The following LIMD1 variants were observed in gnomAD, a reference collection of about 807,000 sequenced individuals.
The protein encoded by LIMD1 is LIM domain-containing protein 1.
In LIMD1, 23 loss-of-function variants were observed where a neutral mutation model predicts 58.4. That is an observed-to-expected ratio of 0.39 (90% CI 0.28 to 0.56). The LOEUF (loss-of-function observed/expected upper bound fraction) is 0.56, where lower values mean the gene tolerates loss of function less well. Among genes scored for constraint, LIMD1 ranks in the 20% least tolerant of loss-of-function variants. LIMD1 has a pLI of 0.57. For synonymous variants in LIMD1, 334 were observed against 345.5 expected, an observed-to-expected ratio of 0.97 and a Z score of 0.37; for missense variants, 838 against 855.5, an observed-to-expected ratio of 0.98 and a Z score of 0.25.
intron 1 of LIMD1, among the ~76,000 whole-genome samples, chr3:45,628,591 G>T (rs1414832867): frequency 6.6e-6 from 1 of 152,202 alleles, no homozygotes; most frequent in East Asian, 1.9e-4. Flanking sequence ...TCTTCAGAAA[G>T]CGGTTTGTCA....
chr3:45,668,460 TG>T, intron 4 of LIMD1, 104 bp downstream of exon 4: 1 of 946,596 alleles, frequency 1.1e-6, no homozygotes, highest in South Asian at 1.5e-5. Context: ...TATCTTGATT[TG>T]TGGTTACAGC....
chr3:45,614,786 C>T (rs1283111865), intron 1 of LIMD1, among the ~76,000 whole-genome samples: 12 of 125,436 alleles, frequency 9.6e-5, no homozygotes, highest in Admixed American at 2.5e-4. Context: ...TTTTTTTTGC[C>T]GTTTTTTAAA....
At chr3:45,672,960 G>T in intron 5 of LIMD1, 140 bp downstream of exon 5, 2 of 927,680 alleles carry the variant, frequency 2.2e-6, no homozygotes, top group Non-Finnish European at 3.3e-6. Flanking sequence ...GGTTTTGAGG[G>T]GTACAGCAGG....
At chr3:45,613,613 A>G (rs1474996461) in intron 1 of LIMD1, among the ~76,000 whole-genome samples, 1 of 146,608 alleles carries the variant, frequency 6.8e-6, no homozygotes, top group Non-Finnish European at 1.5e-5. Context: ...GGCTATTATG[A>G]ATAAGTCTGT....
At chr3:45,658,535 C>CTT (rs10572210) in intron 2 of LIMD1, among the ~76,000 whole-genome samples, 1,947 of 44,812 alleles carry the variant, frequency 0.043, 393 homozygotes, top group Non-Finnish European at 0.061. Context: ...CATGCAGATT[C>CTT]TTTTTTTTTT....
intron 1 of LIMD1, among the ~76,000 whole-genome samples, chr3:45,612,070 G>GCGCGCT (rs55860697): frequency 5.5e-5 from 8 of 144,842 alleles, no homozygotes; most frequent in Non-Finnish European, 1.1e-4. Flanking sequence ...GCAGGTGCGC[G>GCGCGCT]CTCTCTCTCT....
intron 1 of LIMD1, chr3:45,612,887 C>T (rs560292239): frequency 6.6e-6 from 1 of 152,290 alleles, no homozygotes; most frequent in African/African-American, 2.4e-5. Flanking sequence ...TGTGATCATT[C>T]ACAGATATAA....
chr3:45,604,976 A>G (rs3774681), intron 1 of LIMD1, among the ~76,000 whole-genome samples: 6,195 of 152,344 alleles, frequency 0.041, 160 homozygotes, highest in East Asian at 0.14. Flanking sequence ...GGTCTTAAAA[A>G]GTTATGTTTC....
At chr3:45,604,872 A>G (rs551480395) in intron 1 of LIMD1, among the ~76,000 whole-genome samples, 2 of 152,318 alleles carry the variant, frequency 1.3e-5, no homozygotes, top group South Asian at 2.1e-4. Context: ...TGACCAGGAA[A>G]GAATGTCTTG....
chr3:45,662,723 A>C (rs1044736002), intron 2 of LIMD1, among the ~76,000 whole-genome samples: 1 of 152,214 alleles, frequency 6.6e-6, no homozygotes, highest in African/African-American at 2.4e-5. Flanking sequence ...GTGGCCGGGC[A>C]TGGTGGCTCA....
intron 1 of LIMD1, among the ~76,000 whole-genome samples, chr3:45,603,573 G>C (rs1701438799): frequency 6.6e-6 from 1 of 152,140 alleles, no homozygotes; most frequent in African/African-American, 2.4e-5. Flanking sequence ...GGTAACATTT[G>C]TCAGTGACAT....
chr3:45,659,530 G>C (rs1260510270), intron 2 of LIMD1, among the ~76,000 whole-genome samples: 1 of 152,126 alleles, frequency 6.6e-6, no homozygotes, highest in African/African-American at 2.4e-5. Flanking sequence ...TGAGGCTGCA[G>C]ATTGCACCAC....
At chr3:45,637,951 C>T (rs1330084633) in intron 2 of LIMD1, among the ~76,000 whole-genome samples, 2 of 150,216 alleles carry the variant, frequency 1.3e-5, no homozygotes, top group African/African-American at 4.9e-5. Flanking sequence ...GTCTGGTTAT[C>T]GAATTCTCTG....
At chr3:45,653,056 G>T (rs1423393669) in intron 2 of LIMD1, among the ~76,000 whole-genome samples, 1 of 152,200 alleles carries the variant, frequency 6.6e-6, no homozygotes, top group Non-Finnish European at 1.5e-5. Flanking sequence ...GAGTGGCTTT[G>T]TGTCAGTTGA....
intron 1 of LIMD1, among the ~76,000 whole-genome samples, chr3:45,613,637 G>T (rs965264821): frequency 2.5e-5 from 3 of 118,046 alleles, no homozygotes; most frequent in African/African-American, 3.1e-5. Context: ...GATTGTTTTT[G>T]TGTAAGACTT....
intron 1 of LIMD1, among the ~76,000 whole-genome samples, chr3:45,611,312 C>T (rs1411214140): frequency 2.0e-5 from 3 of 152,246 alleles, no homozygotes; most frequent in East Asian, 1.9e-4. Flanking sequence ...GCTGCTCCCA[C>T]GCAGCCTTAG....
chr3:45,602,002 G>T (rs952959576), intron 1 of LIMD1, among the ~76,000 whole-genome samples: 3 of 151,528 alleles, frequency 2.0e-5, no homozygotes, highest in African/African-American at 7.3e-5. Flanking sequence ...GAGTGCAGTG[G>T]CGCGATCTTG....
At chr3:45,610,491 C>T (rs1701512955) in intron 1 of LIMD1, among the ~76,000 whole-genome samples, 1 of 152,038 alleles carries the variant, frequency 6.6e-6, no homozygotes, top group Admixed American at 6.5e-5. Context: ...TTATAGAGTT[C>T]CAGGGACTAG....
At chr3:45,609,695 C>A (rs1701505039) in intron 1 of LIMD1, among the ~76,000 whole-genome samples, 1 of 152,232 alleles carries the variant, frequency 6.6e-6, no homozygotes, top group African/African-American at 2.4e-5. Context: ...ATAACTCATT[C>A]ATTCAGCAGC....
Sources: allele counts gnomAD v4.1 joint callset (sites outside exome capture counted in the v4.1 genomes callset), GRCh38; gene constraint gnomAD v4.1.1; transcripts MANE v1.5; gene names NCBI Gene and HGNC (gene_info 2026-07-23, HGNC 2026-07-21).